The following DSCAML1 variants were observed in gnomAD, a reference collection of about 807,000 sequenced individuals.
DSCAML1 encodes the protein DS cell adhesion molecule like 1, also known as cell adhesion molecule DSCAML1.
DSCAML1 carries 38 observed loss-of-function variants against 200.5 expected under a neutral mutation model. That is an observed-to-expected ratio of 0.19 (90% confidence interval 0.15 to 0.25). DSCAML1 has a LOEUF of 0.25. Ranked by LOEUF, DSCAML1 falls within the 10% of genes least tolerant of loss-of-function variation. The probability of loss-of-function intolerance (pLI) is 1.00; values close to 1 mark genes in which losing one functional copy is unlikely to be tolerated. For missense variants in DSCAML1, 2,223 were observed against 2,858.8 expected (o/e 0.78, Z 5.07); for synonymous variants, 1,215 against 1,165.0 (o/e 1.04, Z -0.87).
Position 117,518,369 on chromosome 11 carries a change from TTAA to T in DSCAML1, c.1510+94_1510+96del. 6.6e-7 allele frequency: 1 copy of T among 1,520,214 alleles called. No individual in the cohort carries two copies. The highest frequency in any genetic ancestry group is 1.1e-5 in the South Asian group (1 of 87,568). The allele number at this position is 1,520,214 out of a possible 1,614,324, so 94.2% of individuals were successfully genotyped here. ...ACCTCTACTAAAATCAAAATGACGA[TTAA>T]TAATAAGTACTAATCAGCACAAGAA... On this transcript the variant is annotated intron_variant, in intron 7 of 32. Coordinates refer to ENST00000651296, the MANE Select transcript of DSCAML1 (RefSeq NM_020693.4). This position sits in a 1 kb window ranked among gnomAD's most constrained non-coding sequence, Gnocchi z 6.3.
intron 3 of DSCAML1, among the ~76,000 whole-genome samples, chr11:117,569,478 C>T (rs939204558): frequency 8.5e-5 from 13 of 152,152 alleles, no homozygotes; most frequent in Non-Finnish European, 1.5e-4. Context: ...GGTGGGATTT[C>T]GTCTTGTTGC....
Position 117,780,171 on chromosome 11 carries a change from GAAAAAA to G in DSCAML1, c.364+316_364+321del, listed in dbSNP as rs1410417645. 2.1e-5 allele frequency among the ~76,000 whole-genome samples: 2 copies of G among 96,274 alleles called. No homozygotes were observed. The highest frequency in any genetic ancestry group is 8.2e-5 in the African/African-American group (2 of 24,382). The allele number at this position is 96,274 out of a possible 152,430, so 63.2% of individuals were successfully genotyped here. On this transcript the variant is annotated intron_variant, in intron 2 of 32. Coordinates refer to ENST00000651296, the MANE Select transcript of DSCAML1 (RefSeq NM_020693.4). This position sits in a 1 kb window ranked among gnomAD's most constrained non-coding sequence, Gnocchi z 4.8. ...AGAGAGAGAGAGAGAAAGAAAGAAA[GAAAAAA>G]AGAAAAAAAGAAAGAAAGAAAGAGA...
chr11:117,649,385 TG>T (rs1472589503), intron 3 of DSCAML1, among the ~76,000 whole-genome samples: 2 of 152,184 alleles, frequency 1.3e-5, no homozygotes, highest in East Asian at 3.8e-4. Flanking sequence ...TCACTATTTT[TG>T]CAGGCCCAAA....
At chr11:117,450,763 G>C in intron 19 of DSCAML1, 75 bp from the exon 20 acceptor site, 1 of 1,524,420 alleles carries the variant, frequency 6.6e-7, no homozygotes, top group Non-Finnish European at 8.8e-7. Flanking sequence ...AGAGTTGGGA[G>C]AGGGAGGCAG....
At chr11:117,616,925 G>A (rs533021659) in intron 3 of DSCAML1, among the ~76,000 whole-genome samples, 4 of 152,268 alleles carry the variant, frequency 2.6e-5, no homozygotes, top group South Asian at 4.2e-4. Context: ...TCTTACAGAC[G>A]TGTAACAGAT....
chr11:117,687,288 TC>T (rs1180379926), intron 3 of DSCAML1, among the ~76,000 whole-genome samples: 3 of 152,184 alleles, frequency 2.0e-5, no homozygotes, highest in African/African-American at 7.2e-5. Flanking sequence ...AGAGACAAGA[TC>T]TCGCTCTGTA....
At chr11:117,486,455 G>A (rs1471985088) in intron 11 of DSCAML1, among the ~76,000 whole-genome samples, 48 of 151,960 alleles carry the variant, frequency 3.2e-4, no homozygotes, top group African/African-American at 1.1e-3. Context: ...AGATATGAAA[G>A]TAGCGGATGT....
chr11:117,469,161 TA>T lies in DSCAML1; in HGVS notation c.3024+748del, dbSNP rs2048638213. Among the ~76,000 whole-genome samples, 1 of 152,174 alleles carries T rather than the reference TA, an allele frequency of 6.6e-6. No individual in the cohort carries two copies. Among genetic ancestry groups the T allele is most frequent in the Non-Finnish European group, 1.5e-5 (1 of 68,024 alleles). ...CATGGCCTCCTCTGGTGGAAGGGGA[TA>T]AAAGTGCCTTCTCTCGCTGCTCCCC... is the stretch of plus-strand genomic sequence containing the variant. On this transcript the variant is annotated intron_variant, in intron 16 of 32. Transcript: ENST00000651296. This position sits in a 1 kb window ranked among gnomAD's most constrained non-coding sequence, Gnocchi z 4.1.
At chr11:117,491,372 A>G (rs1335989400) in intron 11 of DSCAML1, among the ~76,000 whole-genome samples, 1 of 152,216 alleles carries the variant, frequency 6.6e-6, no homozygotes, top group African/African-American at 2.4e-5. Flanking sequence ...AGATGGGGAA[A>G]CTGAGGCTGA....
At chr11:117,735,752 C>T (rs2054305227) in intron 3 of DSCAML1, among the ~76,000 whole-genome samples, 1 of 152,214 alleles carries the variant, frequency 6.6e-6, no homozygotes, top group African/African-American at 2.4e-5. Flanking sequence ...CTGCGTCCAG[C>T]GGGTCCTGTC....
intron 3 of DSCAML1, among the ~76,000 whole-genome samples, chr11:117,764,000 T>C (rs1213313917): frequency 6.6e-6 from 1 of 152,188 alleles, no homozygotes; most frequent in Non-Finnish European, 1.5e-5. Context: ...ATTCCTTTCC[T>C]GCACCCTCAT....
chr11:117,586,995 C>T (rs1284233598), intron 3 of DSCAML1, among the ~76,000 whole-genome samples: 1 of 152,200 alleles, frequency 6.6e-6, no homozygotes, highest in Non-Finnish European at 1.5e-5. Context: ...CCCATCTGAT[C>T]CTGTCCTCAA....
chr11:117,743,003 T>TCATTCATC (rs2054449328), intron 3 of DSCAML1, among the ~76,000 whole-genome samples: 1 of 150,892 alleles, frequency 6.6e-6, no homozygotes, highest in Non-Finnish European at 1.5e-5. Context: ...CACTCCACTT[T>TCATTCATC]CATCCATCCA....
At chr11:117,695,760 T>C (rs547603105) in intron 3 of DSCAML1, among the ~76,000 whole-genome samples, 7 of 152,130 alleles carry the variant, frequency 4.6e-5, no homozygotes, top group Non-Finnish European at 1.0e-4. Flanking sequence ...GAAAACCGGG[T>C]GCTTGCCATG....
intron 3 of DSCAML1, among the ~76,000 whole-genome samples, chr11:117,744,572 C>T (rs902804444): frequency 2.6e-5 from 4 of 152,244 alleles, no homozygotes; most frequent in African/African-American, 7.2e-5. Flanking sequence ...TCCTCCTCTG[C>T]GTCCTGCCAG....
At chr11:117,769,501 ATATAT>A in intron 3 of DSCAML1, among the ~76,000 whole-genome samples, 1 of 5,650 alleles carries the variant, frequency 1.8e-4, no homozygotes, top group South Asian at 6.6e-3. Context: ...TATATATATA[ATATAT>A]ATTTTATATA....
intron 21 of DSCAML1, among the ~76,000 whole-genome samples, chr11:117,441,998 G>A (rs1377542029): frequency 1.3e-5 from 2 of 150,176 alleles, no homozygotes; most frequent in Non-Finnish European, 2.9e-5. Context: ...GTGTATGTGT[G>A]GGTGTGTATG....
At chr11:117,632,342 G>A (rs2052191929) in intron 3 of DSCAML1, among the ~76,000 whole-genome samples, 2 of 152,166 alleles carry the variant, frequency 1.3e-5, no homozygotes, top group Admixed American at 1.3e-4. Flanking sequence ...TGGTTTTGGT[G>A]AGCAAGAATC....
intron 3 of DSCAML1, among the ~76,000 whole-genome samples, chr11:117,572,923 G>C (rs1298612687): frequency 6.6e-6 from 1 of 152,218 alleles, no homozygotes; most frequent in East Asian, 1.9e-4. Context: ...AGGGAGAGGA[G>C]AAGTGACCTG....
Sources: allele counts gnomAD v4.1 joint callset (sites outside exome capture counted in the v4.1 genomes callset), GRCh38; gene constraint gnomAD v4.1.1; non-coding constraint Gnocchi (gnomAD v3.1); transcripts MANE v1.5; gene names NCBI Gene and HGNC (gene_info 2026-07-23, HGNC 2026-07-21).